Variants in SLC12A2 observed in about 807,000 individuals in gnomAD.
SLC12A2 encodes the protein Na-K-2Cl cotransporter 1.
SLC12A2 carries 67 observed loss-of-function variants against 136.3 expected under a neutral mutation model. The observed-to-expected ratio is 0.49, with a 90% CI of 0.40 to 0.60. SLC12A2 has a LOEUF of 0.60. Ranked by LOEUF, SLC12A2 falls within the 20% of genes least tolerant of loss-of-function variation. The pLI is 0.00. For synonymous variants in SLC12A2, 619 were observed against 562.9 expected, an observed-to-expected ratio of 1.10 and a Z score of -1.41; for missense variants, 1,322 against 1,534.7, an observed-to-expected ratio of 0.86 and a Z score of 2.32.
At chr5:128,142,345 C>T (rs1762396244) in intron 10 of SLC12A2, among the ~76,000 whole-genome samples, 1 of 152,084 alleles carries the variant, frequency 6.6e-6, no homozygotes, top group South Asian at 2.1e-4. Context: ...TCAAGTGATC[C>T]ACCTGCATGG....
intron 10 of SLC12A2, among the ~76,000 whole-genome samples, chr5:128,147,321 G>C (rs1762559029): frequency 6.6e-6 from 1 of 151,540 alleles, no homozygotes; most frequent in South Asian, 2.1e-4. Context: ...AAAATATTGT[G>C]GGGAATAGCC....
chr5:128,121,469 C>A (rs1238378120), intron 4 of SLC12A2, among the ~76,000 whole-genome samples: 1 of 151,880 alleles, frequency 6.6e-6, no homozygotes, highest in South Asian at 2.1e-4. Flanking sequence ...ACTACAGGTA[C>A]CTGCCACCAC....
rs764170074 is a variant in SLC12A2, at chr5:128,084,515, C to G, written c.561C>G (p.Ser187=). 1.2e-6 allele frequency: 2 copies of G among 1,606,940 alleles called. No homozygotes were observed. Among genetic ancestry groups the G allele is most frequent in the South Asian group, 1.1e-5 (1 of 90,508 alleles). The part of the protein sequence containing the change: ...TVLSEGSSLH[S]GGGGGSGHHQ... ...TGAGCGAGGGCAGCAGCCTGCACTC[C>G]GGCGGCGGCGGCGGCAGTGGGCACC... The change falls in exon 1 of 27, where the codon TCC becomes TCG. Residue 187 remains serine, a synonymous_variant. Coordinates refer to ENST00000262461, the MANE Select transcript of SLC12A2 (RefSeq NM_001046.3). The surrounding 1 kb of genome is among the most constrained non-coding windows in gnomAD (Gnocchi z 5.6).
At chr5:128,165,876 A>G (rs951908133) in intron 17 of SLC12A2, among the ~76,000 whole-genome samples, 12 of 146,738 alleles carry the variant, frequency 8.2e-5, no homozygotes, top group Admixed American at 2.8e-4. Flanking sequence ...TTAGTTCTTT[A>G]AAAAGCTATC....
rs3805607 is a variant in SLC12A2, at chr5:128,141,726, T to C, written c.1622-104T>C. ...GTATGCTATTATAAGGGAGTAGATATGTAGTCACTACTTTGGTTTCTTTAT... is the reference window on the plus strand; with the variant it reads ...GTATGCTATTATAAGGGAGTAGATACGTAGTCACTACTTTGGTTTCTTTAT... On this transcript the variant is annotated intron_variant, in intron 9 of 26. Coordinates refer to ENST00000262461, the MANE Select transcript of SLC12A2 (RefSeq NM_001046.3). The C allele has an allele frequency of 0.25, 205,626 of 828,272 alleles. 29,095 individuals carry two copies. Among genetic ancestry groups the C allele is most frequent in the African/African-American group, 0.53 (30,333 of 57,244 alleles). 51.3% of individuals were successfully genotyped at this position (828,272 alleles called of 1,614,324 possible).
rs1763380699 is a variant in SLC12A2 at position 128,171,690 on chromosome 5, G to A, written c.2747G>A (p.Gly916Glu). The A allele has an allele frequency of 1.3e-6, 2 of 1,586,318 alleles. No homozygotes were observed. Among genetic ancestry groups the A allele is most frequent in the Non-Finnish European group, 1.7e-6 (2 of 1,170,924 alleles). ...AGTGATGCTTTTGACATACAATATG[G>A]AGTAGTGGTTATTCGCCTAAAAGAA... Reference protein sequence around the residue: ...LFHDAFDIQYGVVVIRLKEGL... With the variant: ...LFHDAFDIQYEVVVIRLKEGL... The change falls in exon 19 of 27, where the codon GGA becomes GAA. Residue 916 changes from glycine to glutamate, a missense_variant. Coordinates refer to ENST00000262461, the MANE Select transcript of SLC12A2 (RefSeq NM_001046.3).
intron 20 of SLC12A2, among the ~76,000 whole-genome samples, chr5:128,174,888 T>A (rs1398370112): frequency 6.6e-6 from 1 of 152,088 alleles, no homozygotes; most frequent in Non-Finnish European, 1.5e-5. Flanking sequence ...ATGCTAGTTA[T>A]TTACTAATAT....
chr5:128,153,884 A>G (rs2126726010), intron 15 of SLC12A2, among the ~76,000 whole-genome samples: 1 of 152,196 alleles, frequency 6.6e-6, no homozygotes, highest in African/African-American at 2.4e-5. Context: ...GCTTTAGGGT[A>G]GACAGAAATG....
chr5:128,161,616 G>A (rs1179250230), intron 16 of SLC12A2, 44 bp from the exon 17 acceptor site: 2 of 1,215,520 alleles, frequency 1.6e-6, no homozygotes, highest in African/African-American at 1.6e-5. Flanking sequence ...ATGTGAAGTT[G>A]CTTACCTTTT....
intron 11 of SLC12A2, among the ~76,000 whole-genome samples, 167 bp downstream of exon 11, chr5:128,147,896 A>G (rs1762580896): frequency 7.6e-6 from 1 of 131,614 alleles, no homozygotes; most frequent in South Asian, 2.2e-4. Context: ...ATATGTGTGA[A>G]TGAATGTGAA....
At chr5:128,106,447 T>G (rs567977565) in intron 1 of SLC12A2, among the ~76,000 whole-genome samples, 1 of 152,340 alleles carries the variant, frequency 6.6e-6, no homozygotes, top group African/African-American at 2.4e-5. Flanking sequence ...ACAAAAGATG[T>G]GTCTTCCACT....
At chr5:128,158,820 A>G (rs373035883) in intron 16 of SLC12A2, among the ~76,000 whole-genome samples, 1 of 150,352 alleles carries the variant, frequency 6.7e-6, no homozygotes, top group African/African-American at 2.4e-5. Flanking sequence ...TCCCACCAGC[A>G]GTGTATAAGT....
At position 128,131,537 on chromosome 5, in the gene SLC12A2, CAA is replaced by C. The variant is rs33967323; in HGVS notation, c.1188+347_1188+348del. ...TGAAACCCCATCTCTACTACAAATA[CAA>C]AAAAAAAAAAAAAAATCAGCTGGGC... On this transcript the variant is annotated intron_variant, in intron 5 of 26. Transcript: ENST00000262461. 3.3e-3 allele frequency among the ~76,000 whole-genome samples: 450 copies of C among 135,972 alleles called. 3 individuals carry two copies. The highest frequency in any genetic ancestry group is 0.019 in the Middle Eastern group (5 of 268). 89.2% of individuals were successfully genotyped at this position (135,972 alleles called of 152,430 possible). A position where few individuals can be genotyped will look rare whatever the true frequency, so the allele number is the denominator to read the frequency against.
intron 1 of SLC12A2, chr5:128,110,528 G>A (rs930295792): frequency 5.1e-5 from 72 of 1,411,984 alleles, no homozygotes; most frequent in Non-Finnish European, 6.6e-5. Flanking sequence ...AACCTGTATG[G>A]TCCCATTGTG....
chr5:128,139,100 C>T (rs1762273358), intron 9 of SLC12A2, among the ~76,000 whole-genome samples, 192 bp downstream of exon 9: 1 of 152,100 alleles, frequency 6.6e-6, no homozygotes. Context: ...ATTATCTAAA[C>T]CGCCAAATGC....
rs374251356 is a variant in SLC12A2, at chr5:128,115,056, G to A, written c.1048+375G>A. 2.6e-5 allele frequency among the ~76,000 whole-genome samples: 4 copies of A among 152,264 alleles called. No individual in the cohort carries two copies. In the South Asian group the frequency reaches 6.2e-4, roughly 24 times the overall value. ...ATTCCCCACCTCCATCCCCTATTGA[G>A]GAAAACTGAGGCAGTATACCTTCCC... On this transcript the variant is annotated intron_variant, in intron 4 of 26. Transcript: ENST00000262461.
At chr5:128,096,757 C>G (rs554831774) in intron 1 of SLC12A2, among the ~76,000 whole-genome samples, 3 of 152,106 alleles carry the variant, frequency 2.0e-5, no homozygotes, top group African/African-American at 7.2e-5. Context: ...TTCCAATTAT[C>G]AGGCAGATTT....
rs1296310652 is a variant in SLC12A2 at position 128,084,184 on chromosome 5, G to C, written c.230G>C (p.Ser77Thr). 1 of 1,293,878 alleles carries C rather than the reference G, an allele frequency of 7.7e-7. No homozygotes were observed. Among genetic ancestry groups the C allele is most frequent in the Non-Finnish European group, 9.7e-7 (1 of 1,029,528 alleles). 80.1% of individuals were successfully genotyped at this position (1,293,878 alleles called of 1,614,324 possible). The change falls in exon 1 of 27, where the codon AGC becomes ACC. Residue 77 changes from serine to threonine, a missense_variant. Transcript: ENST00000262461. The surrounding 1 kb of genome is among the most constrained non-coding windows in gnomAD (Gnocchi z 5.6). ...GGCAGACCCTTGGGGCCCACCCCGA[G>C]CCAGAGCCGTTTCCAGGTGGACCTG... ...GLGRPLGPTP[S>T]QSRFQVDLVS...
At chr5:128,122,763 C>A (rs1761636988) in intron 4 of SLC12A2, among the ~76,000 whole-genome samples, 1 of 152,004 alleles carries the variant, frequency 6.6e-6, no homozygotes, top group African/African-American at 2.4e-5. Context: ...CATTGATTGT[C>A]AAATTTTTTT....
Sources: gnomAD v4.1 joint callset for allele counts (sites outside exome capture counted in the v4.1 genomes callset) on GRCh38, gnomAD v4.1.1 for gene constraint, Gnocchi (gnomAD v3.1) non-coding constraint, MANE v1.5 for transcripts, NCBI Gene and HGNC (gene_info 2026-07-23, HGNC 2026-07-21) for gene names.